Variants in NFATC3 observed in about 807,000 individuals in gnomAD.
NFATC3 encodes the protein nuclear factor of activated T cells 3, also known as nuclear factor of activated T-cells, cytoplasmic 3.
NFATC3 carries 46 observed loss-of-function variants against 98.6 expected under a neutral mutation model. That is an observed-to-expected ratio of 0.47 (90% CI 0.37 to 0.60). The LOEUF (loss-of-function observed/expected upper bound fraction) is 0.60. Among genes scored for constraint, NFATC3 ranks in the 20% least tolerant of loss-of-function variants. NFATC3 has a pLI of 0.00. For synonymous variants in NFATC3, 512 were observed against 472.2 expected (o/e 1.08, Z -1.09); for missense variants, 1,256 against 1,295.5 (o/e 0.97, Z 0.47).
At chr16:68,124,741 C>CT (rs2036745486) in intron 2 of NFATC3, among the ~76,000 whole-genome samples, 1 of 144,324 alleles carries the variant, frequency 6.9e-6, no homozygotes, top group African/African-American at 2.6e-5. Context: ...CCGGCCTTCT[C>CT]TTTTTTTTGA....
chr16:68,191,196 A>C lies in NFATC3; in HGVS notation c.2527A>C (p.Asn843His). The change falls in exon 9 of 10, where the codon AAT becomes CAT. Residue 843 changes from asparagine (N) to histidine (H), a missense_variant. Physicochemically the swap from Asn to His is moderately conservative, Grantham distance 68 (BLOSUM62 1). Coordinates refer to ENST00000346183, the MANE Select transcript of NFATC3 (RefSeq NM_173165.3). ...QQDATLSGLV[N>H]LGCQPLSSIP... ...GGATGCAACTCTTTCTGGTTTAGTG[A>C]ATCTTGGCTGTCAACCACTGTCATC... The C allele has an allele frequency of 6.2e-7, 1 of 1,614,146 alleles. No homozygotes were observed. The highest frequency in any genetic ancestry group is 8.5e-7 in the Non-Finnish European group (1 of 1,180,030).
At chr16:68,129,179 C>T (rs544181241) in intron 3 of NFATC3, among the ~76,000 whole-genome samples, 2 of 152,150 alleles carry the variant, frequency 1.3e-5, no homozygotes, top group Admixed American at 6.5e-5. Flanking sequence ...GTGGAAGGAT[C>T]ATTTGAGCCC....
chr16:68,095,119 A>G (rs1378983638), intron 1 of NFATC3, among the ~76,000 whole-genome samples: 1 of 152,168 alleles, frequency 6.6e-6, no homozygotes, highest in African/African-American at 2.4e-5. Context: ...GAAAGAGAAA[A>G]TGGATGCTGG....
At chr16:68,110,834 A>G (rs563609891) in intron 1 of NFATC3, among the ~76,000 whole-genome samples, 3 of 152,304 alleles carry the variant, frequency 2.0e-5, no homozygotes, top group South Asian at 4.1e-4. Flanking sequence ...GCTATATCCC[A>G]GAGATTCTGG....
At chr16:68,161,462 C>T (rs1216240834) in intron 4 of NFATC3, among the ~76,000 whole-genome samples, 2 of 152,152 alleles carry the variant, frequency 1.3e-5, no homozygotes, top group Non-Finnish European at 2.9e-5. Flanking sequence ...TGAAAAACCA[C>T]TATTAAAGAC....
chr16:68,153,577 A>C (rs2038454936), intron 3 of NFATC3, among the ~76,000 whole-genome samples: 1 of 152,108 alleles, frequency 6.6e-6, no homozygotes, highest in South Asian at 2.1e-4. Flanking sequence ...GACAACATTA[A>C]TCTTTTTCCA....
At chr16:68,102,066 T>G (rs1466993666) in intron 1 of NFATC3, among the ~76,000 whole-genome samples, 1 of 152,042 alleles carries the variant, frequency 6.6e-6, no homozygotes, top group African/African-American at 2.4e-5. Context: ...TAAATTTTTG[T>G]GACCTTATAT....
intron 7 of NFATC3, 38 bp from the exon 8 acceptor site, chr16:68,183,202 A>G: frequency 6.5e-7 from 1 of 1,538,208 alleles, no homozygotes; most frequent in Non-Finnish European, 8.7e-7. Flanking sequence ...TTTCATTTTT[A>G]GTTCTGAGTG....
chr16:68,186,342 C>G (rs965732416), intron 8 of NFATC3, among the ~76,000 whole-genome samples: 1 of 152,004 alleles, frequency 6.6e-6, no homozygotes, highest in Non-Finnish European at 1.5e-5. Flanking sequence ...TCAAGATCAT[C>G]CTGGCTAACA....
intron 5 of NFATC3, among the ~76,000 whole-genome samples, chr16:68,168,566 A>G (rs997395713): frequency 6.7e-6 from 1 of 149,694 alleles, no homozygotes; most frequent in Non-Finnish European, 1.5e-5. Flanking sequence ...GCTCACTGCA[A>G]CCTCCACCTC....
intron 3 of NFATC3, among the ~76,000 whole-genome samples, chr16:68,146,241 G>T (rs541095624): frequency 3.9e-5 from 6 of 151,964 alleles, no homozygotes; most frequent in Admixed American, 1.3e-4. Flanking sequence ...TACTATTTTT[G>T]CAACTTCCTA....
At chr16:68,126,079 TC>T (rs2036821868) in intron 2 of NFATC3, among the ~76,000 whole-genome samples, 1 of 152,052 alleles carries the variant, frequency 6.6e-6, no homozygotes, top group Non-Finnish European at 1.5e-5. Context: ...AGATGGGGTT[TC>T]ACCATGCTAG....
In NFATC3 at chr16:68,123,071, T is replaced by G; in HGVS notation, c.1188T>G (p.Pro396=). The G allele has an allele frequency of 6.2e-7, 1 of 1,609,274 alleles. No homozygotes were observed. The highest frequency in any genetic ancestry group is 1.6e-4 in the Middle Eastern group (1 of 6,062). The change falls in exon 2 of 10, where the codon CCT becomes CCG. Residue 396 remains proline (P), a synonymous_variant. Coordinates refer to ENST00000346183, the MANE Select transcript of NFATC3 (RefSeq NM_173165.3). ...GTGGTGATCAGTTTCTTTCAGTTCCTTCACCCTTTACCTGGAGCAAACCAA... is the reference window on the plus strand; with the variant it reads ...GTGGTGATCAGTTTCTTTCAGTTCCGTCACCCTTTACCTGGAGCAAACCAA... ...DSCGDQFLSV[P]SPFTWSKPKP...
chr16:68,172,622 A>G (rs1450086027), intron 5 of NFATC3, among the ~76,000 whole-genome samples: 1 of 151,986 alleles, frequency 6.6e-6, no homozygotes, highest in African/African-American at 2.4e-5. Context: ...CTCTACAAAA[A>G]AAATTTTTTT....
chr16:68,201,950 T>TC (rs1272484050), intron 9 of NFATC3, among the ~76,000 whole-genome samples: 4 of 93,146 alleles, frequency 4.3e-5, no homozygotes, highest in Non-Finnish European at 7.4e-5. Flanking sequence ...AGAGTGAGAC[T>TC]CCATCTCAAA....
At chr16:68,140,044 T>TG (rs1252731187) in intron 3 of NFATC3, among the ~76,000 whole-genome samples, 1 of 152,234 alleles carries the variant, frequency 6.6e-6, no homozygotes, top group Non-Finnish European at 1.5e-5. Context: ...TCACCCAGGC[T>TG]GGAGTACAGT....
chr16:68,162,058 A>G (rs1031820251), intron 4 of NFATC3, among the ~76,000 whole-genome samples: 1 of 152,164 alleles, frequency 6.6e-6, no homozygotes, highest in African/African-American at 2.4e-5. Context: ...CAGAAATACC[A>G]CTATGACTAG....
At chr16:68,117,021 C>T (rs1023567928) in intron 1 of NFATC3, among the ~76,000 whole-genome samples, 3 of 152,150 alleles carry the variant, frequency 2.0e-5, no homozygotes, top group African/African-American at 7.2e-5. Flanking sequence ...CAGCCATCTT[C>T]TCTCATTTTA....
intron 4 of NFATC3, among the ~76,000 whole-genome samples, chr16:68,158,452 T>C (rs917988680): frequency 2.6e-5 from 4 of 152,192 alleles, no homozygotes; most frequent in African/African-American, 9.7e-5. Flanking sequence ...ACTTGACCCA[T>C]TTCCAAATAA....
Sources: allele counts gnomAD v4.1 joint callset (sites outside exome capture counted in the v4.1 genomes callset), GRCh38; gene constraint gnomAD v4.1.1; transcripts MANE v1.5; gene names NCBI Gene and HGNC (gene_info 2026-07-23, HGNC 2026-07-21).